LRRC4C: variants seen among roughly 807,000 people sequenced by gnomAD.
The protein encoded by LRRC4C is leucine rich repeat containing 4C.
In LRRC4C, 5 loss-of-function variants were observed where a neutral mutation model predicts 33.6. The observed-to-expected ratio is 0.15, with a 90% confidence interval of 0.08 to 0.31. The LOEUF is 0.31. Ranked by LOEUF, LRRC4C falls within the 10% of genes least tolerant of loss-of-function variation. The pLI is 1.00. For synonymous variants in LRRC4C, 329 were observed against 302.0 expected (o/e 1.09, Z -0.93); for missense variants, 560 against 796.7 (o/e 0.70, Z 3.58).
At chr11:40,470,454 T>C (rs911437192) in intron 3 of LRRC4C, among the ~76,000 whole-genome samples, 4 of 152,174 alleles carry the variant, frequency 2.6e-5, no homozygotes, top group Middle Eastern at 3.4e-3. Context: ...GGCTGAGAAT[T>C]CCAAAAACCG....
At chr11:40,413,056 C>A (rs12222498) in intron 3 of LRRC4C, among the ~76,000 whole-genome samples, 4 of 151,510 alleles carry the variant, frequency 2.6e-5, no homozygotes, top group African/African-American at 7.3e-5. Flanking sequence ...TTTATTTAGG[C>A]GAATTTATCT....
In LRRC4C at chr11:40,770,426, C is replaced by T. The variant is rs574860061; in HGVS notation, c.-406-122148G>A. Among the ~76,000 whole-genome samples the T allele has an allele frequency of 1.7e-4, 26 of 152,242 alleles. 1 individual carries two copies. The highest frequency in any genetic ancestry group is 1.2e-3 in the South Asian group (6 of 4,830). On this transcript the variant is annotated intron_variant, in intron 2 of 6. Coordinates refer to ENST00000528697, the MANE Select transcript of LRRC4C (RefSeq NM_001258419.2). ...CCCCAACACATGGGGATTGCAATTC[C>T]GATTACAATTCAAGATGAGATTTTG...
intron 5 of LRRC4C, among the ~76,000 whole-genome samples, chr11:40,220,553 G>C (rs1422152776): frequency 1.3e-5 from 2 of 152,056 alleles, no homozygotes; most frequent in Non-Finnish European, 2.9e-5. Flanking sequence ...ATTCATTACT[G>C]TCAATACTGT....
chr11:40,707,251 A>G lies in LRRC4C; in HGVS notation c.-406-58973T>C, dbSNP rs544526404. 2.0e-5 allele frequency among the ~76,000 whole-genome samples: 3 copies of G among 152,244 alleles called. No homozygotes were observed. The East Asian group carries it at 5.8e-4, about 29-fold the overall frequency. ...GGCCAGAACTTCCAACCCTATGTTG[A>G]ATAGGAGTGGTGAGGGAGGGCATCC... is the stretch of plus-strand genomic sequence containing the variant. On this transcript the variant is annotated intron_variant, in intron 2 of 6. Coordinates refer to ENST00000528697, the MANE Select transcript of LRRC4C (RefSeq NM_001258419.2).
intron 5 of LRRC4C, among the ~76,000 whole-genome samples, chr11:40,179,825 G>A (rs900108167): frequency 1.3e-5 from 2 of 152,200 alleles, no homozygotes; most frequent in African/African-American, 4.8e-5. Flanking sequence ...GAGCTGAATG[G>A]AAAAGACTAC....
chr11:40,471,936 C>T (rs1198008471), intron 3 of LRRC4C, among the ~76,000 whole-genome samples: 1 of 152,028 alleles, frequency 6.6e-6, no homozygotes, highest in Admixed American at 6.6e-5. Context: ...TCAGCAAATG[C>T]AAAATAATGG....
chr11:41,364,210 T>C (rs1952453679), intron 1 of LRRC4C, among the ~76,000 whole-genome samples: 1 of 152,214 alleles, frequency 6.6e-6, no homozygotes, highest in African/African-American at 2.4e-5. Context: ...TCTTCAAATG[T>C]AGCTGCTATT....
intron 2 of LRRC4C, among the ~76,000 whole-genome samples, chr11:40,886,927 T>G (rs1025913359): frequency 1.3e-5 from 2 of 150,280 alleles, no homozygotes; most frequent in Non-Finnish European, 3.0e-5. Context: ...AATATTTATA[T>G]ATATACGTGT....
chr11:41,347,081 C>G (rs1951827476), intron 1 of LRRC4C, among the ~76,000 whole-genome samples: 1 of 152,022 alleles, frequency 6.6e-6, no homozygotes, highest in South Asian at 2.1e-4. Context: ...GCCCATTACT[C>G]AAAGGAAAGA....
At chr11:40,369,538 A>T (rs1440964013) in intron 3 of LRRC4C, among the ~76,000 whole-genome samples, 1 of 152,116 alleles carries the variant, frequency 6.6e-6, no homozygotes, top group Non-Finnish European at 1.5e-5. Context: ...GGGTTTCTTC[A>T]TCTTGGTCAG....
intron 3 of LRRC4C, among the ~76,000 whole-genome samples, chr11:40,537,490 A>G (rs1956524288): frequency 1.3e-5 from 2 of 152,232 alleles, no homozygotes; most frequent in Admixed American, 1.3e-4. Flanking sequence ...TGTAGGAGAT[A>G]GTTGTAGCTG....
At chr11:40,300,081 G>A (rs1024624852) in intron 4 of LRRC4C, among the ~76,000 whole-genome samples, 3 of 152,152 alleles carry the variant, frequency 2.0e-5, no homozygotes, top group Admixed American at 6.5e-5. Flanking sequence ...GGCAATGTGC[G>A]AGCATGGTGG....
intron 1 of LRRC4C, among the ~76,000 whole-genome samples, chr11:41,293,917 T>C (rs1007210228): frequency 3.9e-5 from 6 of 152,076 alleles, no homozygotes; most frequent in Admixed American, 6.6e-5. Context: ...AACACAGCAA[T>C]ATATGCATGC....
At chr11:40,557,948 G>A (rs961550014) in intron 3 of LRRC4C, among the ~76,000 whole-genome samples, 1 of 152,028 alleles carries the variant, frequency 6.6e-6, no homozygotes, top group African/African-American at 2.4e-5. Flanking sequence ...TGTTTTTAAG[G>A]TTAAAACTTA....
intron 1 of LRRC4C, among the ~76,000 whole-genome samples, chr11:41,064,706 A>T (rs1347751828): frequency 6.6e-6 from 1 of 152,190 alleles, no homozygotes; most frequent in Non-Finnish European, 1.5e-5. Flanking sequence ...TGATTTCTGC[A>T]TTTCCAACTG....
intron 1 of LRRC4C, among the ~76,000 whole-genome samples, chr11:41,022,885 A>G (rs915719054): frequency 5.9e-5 from 9 of 151,976 alleles, no homozygotes; most frequent in Non-Finnish European, 1.0e-4. Context: ...TGGAAAAATG[A>G]TGAACTGCAG....
intron 3 of LRRC4C, among the ~76,000 whole-genome samples, chr11:40,324,850 A>C (rs1946021528): frequency 6.6e-6 from 1 of 152,190 alleles, no homozygotes; most frequent in Admixed American, 6.5e-5. Flanking sequence ...TTCAAATCCC[A>C]GCTCTGCCAT....
chr11:40,785,262 G>A (rs1336487731), intron 2 of LRRC4C, among the ~76,000 whole-genome samples: 3 of 152,226 alleles, frequency 2.0e-5, no homozygotes, highest in African/African-American at 7.2e-5. Context: ...CAAAAACTGG[G>A]TGTGTATTTC....
chr11:40,881,380 C>T (rs951083111), intron 2 of LRRC4C, among the ~76,000 whole-genome samples: 8 of 152,132 alleles, frequency 5.3e-5, no homozygotes, highest in African/African-American at 1.9e-4. Flanking sequence ...ATTAGCAACT[C>T]ATACACAAAC....
Sources: gnomAD v4.1 joint callset for allele counts (sites outside exome capture counted in the v4.1 genomes callset) on GRCh38, gnomAD v4.1.1 for gene constraint, MANE v1.5 for transcripts, NCBI Gene and HGNC (gene_info 2026-07-23, HGNC 2026-07-21) for gene names.